Variants in SNX29 observed in about 807,000 individuals in gnomAD.
SNX29 encodes sorting nexin 29.
SNX29 carries 78 observed loss-of-function variants against 102.1 expected under a neutral mutation model. The ratio of observed to expected loss-of-function variants is 0.76; its 90% CI spans 0.64 to 0.92. The LOEUF (loss-of-function observed/expected upper bound fraction) is 0.92. Among genes scored for constraint, SNX29 ranks in the 40% least tolerant of loss-of-function variants. The probability of loss-of-function intolerance (pLI) is 0.00; values close to 1 mark genes in which losing one functional copy is unlikely to be tolerated. For synonymous variants in SNX29, 580 were observed against 414.5 expected (o/e 1.40, Z -4.85); for missense variants, 1,280 against 1,061.7 (o/e 1.21, Z -2.86).
At chr16:12,283,311 GTTT>G (rs113453336) in intron 15 of SNX29, among the ~76,000 whole-genome samples, 1 of 140,410 alleles carries the variant, frequency 7.1e-6, no homozygotes, top group Non-Finnish European at 1.6e-5. Flanking sequence ...AGATGGAGTT[GTTT>G]TTTTTTTTTT....
Position 12,572,936 on chromosome 16 carries a change from G to C in SNX29, c.*4307G>C, listed in dbSNP as rs2079218896. On this transcript the variant is annotated 3_prime_UTR_variant, in exon 21 of 21. Transcript: ENST00000566228. Reference sequence around the variant, plus strand: ...AGACTTGGAGTGTTTCTTCAAGGCAGGCATCTGCTTATGAGCAAGGTCAAA... The same window carrying C: ...AGACTTGGAGTGTTTCTTCAAGGCACGCATCTGCTTATGAGCAAGGTCAAA... 4.8e-6 allele frequency: 4 copies of C among 833,716 alleles called. No homozygotes were observed. The highest frequency in any genetic ancestry group is 5.3e-5 in the East Asian group (1 of 18,844). 51.6% of individuals were successfully genotyped at this position (833,716 alleles called of 1,614,324 possible). A position where few individuals can be genotyped will look rare whatever the true frequency, so the allele number is the denominator to read the frequency against.
At chr16:12,157,190 C>T (rs368854966) in intron 13 of SNX29, among the ~76,000 whole-genome samples, 32 of 152,310 alleles carry the variant, frequency 2.1e-4, no homozygotes, top group African/African-American at 7.2e-4. Context: ...CATCCACCAA[C>T]ATCCACCCCC....
chr16:12,488,756 T>C (rs1437619465), intron 19 of SNX29, among the ~76,000 whole-genome samples: 2 of 152,196 alleles, frequency 1.3e-5, no homozygotes, highest in Non-Finnish European at 2.9e-5. Flanking sequence ...TGCAGGAATT[T>C]CCATGAAGAC....
intron 10 of SNX29, among the ~76,000 whole-genome samples, chr16:12,076,434 G>A (rs2051575822): frequency 6.6e-6 from 1 of 151,932 alleles, no homozygotes; most frequent in South Asian, 2.1e-4. Context: ...CCAAGTACCT[G>A]GGATTACACA....
intron 16 of SNX29, among the ~76,000 whole-genome samples, chr16:12,371,109 G>C (rs763670432): frequency 6.6e-6 from 1 of 152,212 alleles, no homozygotes; most frequent in Non-Finnish European, 1.5e-5. Flanking sequence ...ATTCGAAAAT[G>C]GAGGGCCTTG....
intron 20 of SNX29, among the ~76,000 whole-genome samples, chr16:12,565,508 G>C (rs574884678): frequency 4.4e-4 from 67 of 152,198 alleles, no homozygotes; most frequent in African/African-American, 1.5e-3. Context: ...TGTGTCCCGA[G>C]ACATGGCTCT....
At position 12,196,622 on chromosome 16, in the gene SNX29, C is replaced by CTTT. The variant is rs34779383; in HGVS notation, c.1596-2965_1596-2963dup. ...TTTTTACTTTTCTTTTTTCTTTTTT[C>CTTT]TTTTTTTTTTTTTTTTGGAGACGGA... On this transcript the variant is annotated intron_variant, in intron 13 of 20. Coordinates refer to ENST00000566228, the MANE Select transcript of SNX29 (RefSeq NM_032167.5). Among the ~76,000 whole-genome samples, 128 of 129,652 alleles carry CTTT rather than the reference C, an allele frequency of 9.9e-4. 1 individual carries two copies. The highest frequency in any genetic ancestry group is 3.4e-3 in the South Asian group (14 of 4,082). The allele number at this position is 129,652 out of a possible 152,430, so 85.1% of individuals were successfully genotyped here.
chr16:12,538,739 A>C (rs1306813886), intron 20 of SNX29, among the ~76,000 whole-genome samples: 1 of 152,214 alleles, frequency 6.6e-6, no homozygotes, highest in Non-Finnish European at 1.5e-5. Context: ...CAGGAGAAGC[A>C]CACCCATATG....
At chr16:12,197,580 A>G (rs2076808883) in intron 13 of SNX29, among the ~76,000 whole-genome samples, 1 of 152,240 alleles carries the variant, frequency 6.6e-6, no homozygotes, top group Non-Finnish European at 1.5e-5. Context: ...CAAAAACAAA[A>G]GAAACAAAAA....
intron 13 of SNX29, among the ~76,000 whole-genome samples, chr16:12,184,357 G>A (rs1403508124): frequency 6.6e-6 from 1 of 152,178 alleles, no homozygotes; most frequent in South Asian, 2.1e-4. Context: ...TGAGTTGCGT[G>A]CCATGCACCG....
At chr16:12,188,039 T>G (rs1469350665) in intron 13 of SNX29, among the ~76,000 whole-genome samples, 2 of 152,148 alleles carry the variant, frequency 1.3e-5, no homozygotes, top group Non-Finnish European at 2.9e-5. Context: ...CAGGTGATAA[T>G]TTGAGCATTA....
chr16:12,572,079 G>T lies in SNX29; in HGVS notation c.*3450G>T. On this transcript the variant is annotated 3_prime_UTR_variant, in exon 21 of 21. Coordinates refer to ENST00000566228, the MANE Select transcript of SNX29 (RefSeq NM_032167.5). ...GGAACCATCTTGCAAGATCTAGGAA[G>T]AGGAAGGGGAGGGATGTGGACTGGG... The T allele has an allele frequency of 9.4e-7, 1 of 1,063,598 alleles. No homozygotes were observed. Among genetic ancestry groups the T allele is most frequent in the Non-Finnish European group, 1.1e-6 (1 of 878,054 alleles). 65.9% of individuals were successfully genotyped at this position (1,063,598 alleles called of 1,614,324 possible).
intron 20 of SNX29, among the ~76,000 whole-genome samples, chr16:12,543,792 T>C (rs1377738894): frequency 6.6e-6 from 1 of 152,254 alleles, no homozygotes; most frequent in African/African-American, 2.4e-5. Context: ...TCTGGTGCTC[T>C]AGAGATTTCT....
intron 15 of SNX29, among the ~76,000 whole-genome samples, chr16:12,313,087 T>G (rs987890914): frequency 2.6e-5 from 4 of 151,922 alleles, no homozygotes; most frequent in Non-Finnish European, 4.4e-5. Context: ...GATCTCGGCT[T>G]ACTACAACCT....
intron 12 of SNX29, among the ~76,000 whole-genome samples, chr16:12,129,259 G>T (rs1004224256): frequency 6.6e-6 from 1 of 152,126 alleles, no homozygotes; most frequent in African/African-American, 2.4e-5. Flanking sequence ...CTCTGACCTG[G>T]TGTAGCTGTG....
intron 18 of SNX29, among the ~76,000 whole-genome samples, chr16:12,471,576 T>A (rs1239061856): frequency 6.6e-6 from 1 of 152,310 alleles, no homozygotes; most frequent in East Asian, 1.9e-4. Flanking sequence ...TCCACGTGGA[T>A]GTGTACCCAC....
chr16:12,063,366 C>CTTTTTTTTTTTT (rs369015533), intron 9 of SNX29, among the ~76,000 whole-genome samples: 1,619 of 55,372 alleles, frequency 0.029, 350 homozygotes, highest in Non-Finnish European at 0.04. Flanking sequence ...CCTAGTCCAT[C>CTTTTTTTTTTTT]TTTTTTTTTT....
intron 16 of SNX29, among the ~76,000 whole-genome samples, chr16:12,360,232 A>G (rs530946220): frequency 3.3e-5 from 5 of 152,070 alleles, no homozygotes; most frequent in Non-Finnish European, 7.3e-5. Flanking sequence ...GTTGATCAGG[A>G]CCCTGATAAA....
At position 12,096,929 on chromosome 16, in the gene SNX29, C is replaced by T. The variant is rs1186693398; in HGVS notation, c.1402+18014C>T. Among the ~76,000 whole-genome samples, 1 of 152,068 alleles carries T rather than the reference C, an allele frequency of 6.6e-6. No individual in the cohort carries two copies. The highest frequency in any genetic ancestry group is 2.4e-5 in the African/African-American group (1 of 41,400). On this transcript the variant is annotated intron_variant, in intron 11 of 20. Transcript: ENST00000566228. The surrounding 1 kb of genome is among the most constrained non-coding windows in gnomAD (Gnocchi z 4.2). ...AGGGTGGCTGAGGTCCAGAGGGTCACAGGAGGGAAAGGTTAAGGGCTCGGT... is the reference window on the plus strand; with the variant it reads ...AGGGTGGCTGAGGTCCAGAGGGTCATAGGAGGGAAAGGTTAAGGGCTCGGT...
Sources: gnomAD v4.1 joint callset for allele counts (sites outside exome capture counted in the v4.1 genomes callset) on GRCh38, gnomAD v4.1.1 for gene constraint, Gnocchi (gnomAD v3.1) non-coding constraint, MANE v1.5 for transcripts, NCBI Gene and HGNC (gene_info 2026-07-23, HGNC 2026-07-21) for gene names.